NSUN6: variants seen among roughly 807,000 people sequenced by gnomAD.
NSUN6 encodes the protein NOP2/Sun RNA methyltransferase 6.
A neutral mutation model predicts 58.0 loss-of-function variants in NSUN6; 64 were observed. The observed-to-expected ratio is 1.10, with a 90% CI of 0.90 to 1.36. The LOEUF is 1.36. NSUN6 is among the 40% of genes most tolerant of loss of function. NSUN6 has a pLI of 0.00. For missense variants in NSUN6, 701 were observed against 550.1 expected (o/e 1.27, Z -2.74); for synonymous variants, 231 against 193.9 (o/e 1.19, Z -1.59).
chr10:18,594,662 G>T (rs150053848), intron 7 of NSUN6, among the ~76,000 whole-genome samples: 5 of 152,230 alleles, frequency 3.3e-5, no homozygotes, highest in Non-Finnish European at 5.9e-5. Flanking sequence ...TGTTGGCCTG[G>T]ATGGTCTCGA....
chr10:18,555,456 G>C (rs919504981), intron 8 of NSUN6, among the ~76,000 whole-genome samples: 1 of 151,120 alleles, frequency 6.6e-6, no homozygotes, highest in African/African-American at 2.4e-5. Flanking sequence ...GAGTGGAATA[G>C]AGAATGGGAT....
At chr10:18,612,924 A>T (rs1171551753) in intron 5 of NSUN6, among the ~76,000 whole-genome samples, 1 of 152,200 alleles carries the variant, frequency 6.6e-6, no homozygotes, top group African/African-American at 2.4e-5. Flanking sequence ...AAAGGACTCA[A>T]ATTCACTAAC....
chr10:18,640,712 A>G (rs2059365744), intron 3 of NSUN6, among the ~76,000 whole-genome samples: 1 of 152,190 alleles, frequency 6.6e-6, no homozygotes, highest in South Asian at 2.1e-4. Flanking sequence ...AAAACCCAAC[A>G]AACTAAACAT....
At chr10:18,576,124 C>T (rs961000462) in intron 8 of NSUN6, among the ~76,000 whole-genome samples, 1 of 152,150 alleles carries the variant, frequency 6.6e-6, no homozygotes, top group Non-Finnish European at 1.5e-5. Context: ...AAACCCTACA[C>T]CAAACTAAAG....
rs190820631 is a variant in NSUN6 at position 18,597,728 on chromosome 10, T to C, written c.658-1401A>G. Among the ~76,000 whole-genome samples, 395 of 152,218 alleles carry C rather than the reference T, an allele frequency of 2.6e-3. 3 individuals are homozygous for C. Among genetic ancestry groups the C allele is most frequent in the African/African-American group, 7.8e-3 (325 of 41,548 alleles). On this transcript the variant is annotated intron_variant, in intron 6 of 10. Transcript: ENST00000377304. The stretch of plus-strand genomic sequence containing the variant: ...TTGCAGTGAGCAGAGATAGCGTCAA[T>C]GCACTCCAGCCTGGGCAATAAGAGC...
chr10:18,640,858 TAA>T (rs759801059), intron 3 of NSUN6, among the ~76,000 whole-genome samples: 10 of 135,586 alleles, frequency 7.4e-5, no homozygotes, highest in Admixed American at 7.5e-5. Context: ...ATTCTTATAG[TAA>T]AAAAAAAAAA....
intron 8 of NSUN6, among the ~76,000 whole-genome samples, chr10:18,557,981 T>C (rs184542053): frequency 8.1e-5 from 12 of 148,622 alleles, no homozygotes; most frequent in Admixed American, 2.7e-4. Context: ...GAATGAAGAA[T>C]AGAATGCAAC....
chr10:18,614,387 A>AT, intron 5 of NSUN6, 73 bp downstream of exon 5: 1 of 942,388 alleles, frequency 1.1e-6, no homozygotes, highest in South Asian at 2.4e-5. Context: ...AACTAGATAC[A>AT]TTTTACATTA....
chr10:18,611,511 C>T (rs2058234732), intron 5 of NSUN6, among the ~76,000 whole-genome samples: 1 of 152,020 alleles, frequency 6.6e-6, no homozygotes, highest in Non-Finnish European at 1.5e-5. Flanking sequence ...TATAAACTCC[C>T]CTCGGTTTTG....
Position 18,551,958 on chromosome 10 carries a change from A to T in NSUN6, c.936T>A (p.Phe312Leu). The T allele has an allele frequency of 6.2e-7, 1 of 1,602,996 alleles. No homozygotes were observed. The highest frequency in any genetic ancestry group is 8.5e-7 in the Non-Finnish European group (1 of 1,171,098). Residue 312 changes from phenylalanine to leucine, a missense_variant, in exon 9 of 11, where the codon TTT becomes TTA. Physicochemically the swap from Phe to Leu is conservative, Grantham distance 22 (BLOSUM62 0). Transcript: ENST00000377304. ...GAATTCGGTCAAAGGATTCTGGTAG[A>T]AATGGAGGTTCTCCTATAAAGAGAA... ...MVEDTEGEPP[F>L]LPESFDRILL...
At chr10:18,573,457 TTCCATTCCATTC>T (rs1323160104) in intron 8 of NSUN6, among the ~76,000 whole-genome samples, 6 of 151,748 alleles carry the variant, frequency 4.0e-5, no homozygotes, top group Admixed American at 3.3e-4. Flanking sequence ...CCATTCCATA[TTCCATTCCATTC>T]TCCATTCCAT....
At chr10:18,604,277 CAT>C (rs2057963945) in intron 6 of NSUN6, among the ~76,000 whole-genome samples, 1 of 152,170 alleles carries the variant, frequency 6.6e-6, no homozygotes, top group African/African-American at 2.4e-5. Flanking sequence ...ATTCTACCTA[CAT>C]GTTTATACTT....
At chr10:18,605,665 G>C (rs776065770) in intron 6 of NSUN6, among the ~76,000 whole-genome samples, 2 of 152,196 alleles carry the variant, frequency 1.3e-5, no homozygotes, top group Non-Finnish European at 2.9e-5. Flanking sequence ...ACCAGTAAGA[G>C]ACACATGGCT....
At chr10:18,629,054 T>C (rs918945778) in intron 3 of NSUN6, among the ~76,000 whole-genome samples, 5 of 152,180 alleles carry the variant, frequency 3.3e-5, no homozygotes, top group African/African-American at 4.8e-5. Context: ...ACAGCAGGTC[T>C]CTTGGCAGAA....
At chr10:18,582,142 TC>T (rs2056931924) in intron 8 of NSUN6, among the ~76,000 whole-genome samples, 3 of 152,188 alleles carry the variant, frequency 2.0e-5, no homozygotes, top group Non-Finnish European at 4.4e-5. Context: ...CTCAGCCAAC[TC>T]CTGAGATCTT....
intron 6 of NSUN6, among the ~76,000 whole-genome samples, chr10:18,598,119 C>G (rs1175171319): frequency 6.6e-6 from 1 of 152,216 alleles, no homozygotes; most frequent in South Asian, 2.1e-4. Context: ...GCCCCACTCT[C>G]ATCAATGTAC....
intron 3 of NSUN6, among the ~76,000 whole-genome samples, chr10:18,621,172 G>T (rs1478315703): frequency 6.6e-6 from 1 of 152,182 alleles, no homozygotes; most frequent in African/African-American, 2.4e-5. Context: ...GTATGTACCA[G>T]GCAGTGGGAA....
intron 1 of NSUN6, among the ~76,000 whole-genome samples, chr10:18,650,785 T>C (rs2059681020): frequency 6.6e-6 from 1 of 152,238 alleles, no homozygotes; most frequent in Non-Finnish European, 1.5e-5. Context: ...AGAAACCTTT[T>C]CACCTGAGTG....
intron 6 of NSUN6, among the ~76,000 whole-genome samples, chr10:18,599,566 C>G (rs1188248426): frequency 6.6e-6 from 1 of 152,118 alleles, no homozygotes; most frequent in Non-Finnish European, 1.5e-5. Context: ...CTAGGTGATT[C>G]TAGTGGGCAT....
Sources: gnomAD v4.1 joint callset for allele counts (sites outside exome capture counted in the v4.1 genomes callset) on GRCh38, gnomAD v4.1.1 for gene constraint, MANE v1.5 for transcripts, NCBI Gene and HGNC (gene_info 2026-07-23, HGNC 2026-07-21) for gene names.